MARK2: variants seen among roughly 807,000 people sequenced by gnomAD.
The protein encoded by MARK2 is microtubule affinity regulating kinase 2.
MARK2 carries 16 observed loss-of-function variants against 89.8 expected under a neutral mutation model. That is an observed-to-expected ratio of 0.18 (90% CI 0.12 to 0.27). The LOEUF is 0.27. Ranked by LOEUF, MARK2 falls within the 10% of genes least tolerant of loss-of-function variation. The pLI, the probability that MARK2 is intolerant of heterozygous loss-of-function variation, is 1.00. For missense variants in MARK2, 621 were observed against 1,049.9 expected (o/e 0.59, Z 5.65); for synonymous variants, 382 against 399.5 (o/e 0.96, Z 0.52).
Position 63,902,401 on chromosome 11 carries a change from TG to T in MARK2, c.1234+74del. On this transcript the variant is annotated intron_variant, in intron 12 of 18. Transcript: ENST00000402010. The surrounding 1 kb of genome is among the most constrained non-coding windows in gnomAD (Gnocchi z 4.2). ...AGAGGTTACAGGTTCTGTGGGGACTTGGGTAACACAACTAAGTTTCAGTCCT... is the reference window on the plus strand; with the variant it reads ...AGAGGTTACAGGTTCTGTGGGGACTTGGTAACACAACTAAGTTTCAGTCCT... 6.3e-7 allele frequency: 1 copy of T among 1,587,898 alleles called. No homozygotes were observed. Among genetic ancestry groups the T allele is most frequent in the Non-Finnish European group, 8.6e-7 (1 of 1,158,936 alleles).
chr11:63,858,178 C>T (rs970162200), intron 1 of MARK2, among the ~76,000 whole-genome samples: 6 of 152,156 alleles, frequency 3.9e-5, no homozygotes, highest in Non-Finnish European at 7.3e-5. Flanking sequence ...AGGTGCACAG[C>T]ACCACACTTG....
rs779182082 is a variant in MARK2, at chr11:63,900,821, T to G, written c.930T>G (p.Asp310Glu). 1 of 1,614,128 alleles carries G rather than the reference T, an allele frequency of 6.2e-7. No homozygotes were observed. Residue 310 changes from aspartate (D) to glutamate (E), a missense_variant, in exon 10 of 19, where the codon GAT (aspartate) becomes GAG (glutamate). By Grantham distance (45) the Asp-to-Glu change is conservative. Around this residue, in one of 5 missense-constraint regions of MARK2, gnomAD observed 397 missense variants for 567.8 expected, o/e 0.70. Coordinates refer to ENST00000402010, the MANE Select transcript of MARK2 (RefSeq NM_001039469.3). The surrounding 1 kb of genome is among the most constrained non-coding windows in gnomAD (Gnocchi z 4.7). Reference sequence around the variant, plus strand: ...GATGGATGAATGTGGGTCACGAAGATGATGAACTAAAGCCTTACGTGGAGC... The same window carrying G: ...GATGGATGAATGTGGGTCACGAAGAGGATGAACTAAAGCCTTACGTGGAGC... ...KDRWMNVGHE[D>E]DELKPYVEPL...
At chr11:63,878,916 AAG>A (rs1333604732) in intron 1 of MARK2, among the ~76,000 whole-genome samples, 1 of 152,232 alleles carries the variant, frequency 6.6e-6, no homozygotes, top group Non-Finnish European at 1.5e-5. Flanking sequence ...TCTATGGAAA[AAG>A]AGTTCCTTCT....
At chr11:63,868,831 A>T (rs1938283891) in intron 1 of MARK2, 1 of 455,854 alleles carries the variant, frequency 2.2e-6, no homozygotes, top group Non-Finnish European at 4.4e-6. Flanking sequence ...AGAAGGCTGG[A>T]GTTATTTATA....
chr11:63,884,764 A>G (rs1171047273), intron 1 of MARK2, among the ~76,000 whole-genome samples: 1 of 152,214 alleles, frequency 6.6e-6, no homozygotes, highest in Non-Finnish European at 1.5e-5. Context: ...CCTCTGGTTT[A>G]TTGACTCTTG....
In MARK2 at chr11:63,895,229, C is replaced by G; in HGVS notation, c.125C>G (p.Thr42Ser). 6.8e-6 allele frequency: 11 copies of G among 1,614,206 alleles called. No homozygotes were observed. Among genetic ancestry groups the G allele is most frequent in the Non-Finnish European group, 9.3e-6 (11 of 1,180,022 alleles). The change falls in exon 2 of 19, where the codon ACC (threonine) becomes AGC (serine). Residue 42 changes from threonine (T) to serine (S), a missense_variant. This residue lies in a region of MARK2 where 60 missense variants were observed against 73.2 expected (regional missense o/e 0.82). Transcript: ENST00000402010. ...SNMIRGRNSA[T>S]SADEQPHIGN... is the part of the protein sequence containing the mutation. ...ATGATTCGGGGCCGCAACTCAGCCA[C>G]CTCTGCTGATGAGCAGCCCCACATT...
chr11:63,862,374 T>C (rs1415139123), intron 1 of MARK2, among the ~76,000 whole-genome samples: 1 of 152,214 alleles, frequency 6.6e-6, no homozygotes, highest in Admixed American at 6.5e-5. Context: ...TTGTGAAGAA[T>C]CCTTTGTCCC....
intron 1 of MARK2, among the ~76,000 whole-genome samples, chr11:63,876,511 T>C (rs1938764625): frequency 6.6e-6 from 1 of 152,250 alleles, no homozygotes; most frequent in Non-Finnish European, 1.5e-5. Context: ...GTGGGGTTCT[T>C]TGTCCTTGGT....
At chr11:63,874,496 T>C (rs1459760254) in intron 1 of MARK2, among the ~76,000 whole-genome samples, 1 of 152,078 alleles carries the variant, frequency 6.6e-6, no homozygotes, top group African/African-American at 2.4e-5. Flanking sequence ...CCAAAGAACA[T>C]TGGAAAAATT....
In MARK2 at chr11:63,900,574, G is replaced by A; in HGVS notation, c.784G>A (p.Val262Ile). The change falls in exon 9 of 19, where the codon GTA becomes ATA. Residue 262 changes from valine (V) to isoleucine (I), a missense_variant. Around this residue, in one of 5 missense-constraint regions of MARK2, gnomAD observed 82 missense variants for 287.7 expected, o/e 0.29. Coordinates refer to ENST00000402010, the MANE Select transcript of MARK2 (RefSeq NM_001039469.3). This position sits in a 1 kb window ranked among gnomAD's most constrained non-coding sequence, Gnocchi z 4.7. ...GQNLKELRER[V>I]LRGKYRIPFY... ...CCTCCTGCAGGAGCTGCGGGAACGGGTACTGAGGGGAAAATACCGTATTCC... is the reference window on the plus strand; with the variant it reads ...CCTCCTGCAGGAGCTGCGGGAACGGATACTGAGGGGAAAATACCGTATTCC... 1.2e-6 allele frequency: 2 copies of A among 1,614,104 alleles called. No homozygotes were observed. Among genetic ancestry groups the A allele is most frequent in the Non-Finnish European group, 1.7e-6 (2 of 1,180,002 alleles).
chr11:63,890,315 A>C, intron 1 of MARK2: 1 of 1,324,008 alleles, frequency 7.6e-7, no homozygotes, highest in Non-Finnish European at 1.0e-6. Flanking sequence ...GGAAGGATTG[A>C]GCACTTGGAG....
Position 63,839,405 on chromosome 11 carries a change from G to C in MARK2, c.-102G>C, listed in dbSNP as rs924675651. 38 of 667,374 alleles carry C rather than the reference G, an allele frequency of 5.7e-5. No homozygotes were observed. Among genetic ancestry groups the C allele is most frequent in the African/African-American group, 9.6e-5 (5 of 51,930 alleles). 41.3% of individuals were successfully genotyped at this position (667,374 alleles called of 1,614,324 possible). On this transcript the variant is annotated 5_prime_UTR_variant, in exon 1 of 19. Transcript: ENST00000402010. ...CACCCCCGGCCGGGGCCCATGCGGC[G>C]GGTGCTCCTGCTGTGAGAAGCCCCG... is the stretch of plus-strand genomic sequence containing the variant.
Position 63,847,743 on chromosome 11 carries a change from C to A in MARK2, c.54+8183C>A, listed in dbSNP as rs560850313. ...CCTGAAGGCAGCTTTGCTTTATACA[C>A]CTTTCACTGAAAGCTCTAAGACATT... On this transcript the variant is annotated intron_variant, in intron 1 of 18. Transcript: ENST00000402010. Among the ~76,000 whole-genome samples, 10 of 152,326 alleles carry A rather than the reference C, an allele frequency of 6.6e-5. No individual in the cohort carries two copies. The East Asian group carries it at 1.7e-3, about 26-fold the overall frequency.
At chr11:63,885,451 A>T (rs1939335910) in intron 1 of MARK2, among the ~76,000 whole-genome samples, 1 of 151,434 alleles carries the variant, frequency 6.6e-6, no homozygotes, top group Non-Finnish European at 1.5e-5. Context: ...AGGTGGGAGG[A>T]TGGATTGAGC....
At position 63,859,773 on chromosome 11, in the gene MARK2, G is replaced by A. The variant is rs569195438; in HGVS notation, c.54+20213G>A. On this transcript the variant is annotated intron_variant, in intron 1 of 18. Transcript: ENST00000402010. Reference sequence around the variant, plus strand: ...CGGCCTCCCGAGTAGCTGGAACTACGGGTGCGTGCCACCATGCCCGGCTTA... The same window carrying A: ...CGGCCTCCCGAGTAGCTGGAACTACAGGTGCGTGCCACCATGCCCGGCTTA... Among the ~76,000 whole-genome samples the A allele has an allele frequency of 3.0e-4, 45 of 151,742 alleles. No homozygotes were observed. In the East Asian group the frequency reaches 4.1e-3, roughly 14 times the overall value.
chr11:63,889,528 C>T (rs1007985561), intron 1 of MARK2, among the ~76,000 whole-genome samples: 1 of 152,262 alleles, frequency 6.6e-6, no homozygotes, highest in African/African-American at 2.4e-5. Context: ...CGCCAGGCCT[C>T]TCGGGGTGGA....
chr11:63,852,735 A>G (rs1284778669), intron 1 of MARK2, among the ~76,000 whole-genome samples: 1 of 152,106 alleles, frequency 6.6e-6, no homozygotes, highest in Non-Finnish European at 1.5e-5. Context: ...AGTTTCATAA[A>G]TGTTCATAAT....
chr11:63,883,418 T>C (rs1939217596), intron 1 of MARK2, among the ~76,000 whole-genome samples: 1 of 152,140 alleles, frequency 6.6e-6, no homozygotes. Flanking sequence ...TACTGGTACT[T>C]ACAGTCAAAT....
chr11:63,893,912 T>C lies in MARK2; in HGVS notation c.55-1247T>C, dbSNP rs74386335. On this transcript the variant is annotated intron_variant, in intron 1 of 18. Transcript: ENST00000402010. ...AGACTTGGGTCCCATCCCTGAGATA[T>C]CTGATTATGTATATGCAAATATTCC... Among the ~76,000 whole-genome samples the C allele has an allele frequency of 9.9e-3, 1,512 of 152,350 alleles. 26 individuals are homozygous for C. The highest frequency in any genetic ancestry group is 0.034 in the African/African-American group (1,427 of 41,572).
Sources: allele counts gnomAD v4.1 joint callset (sites outside exome capture counted in the v4.1 genomes callset), GRCh38; gene constraint gnomAD v4.1.1; regional missense constraint gnomAD v4.1.1; non-coding constraint Gnocchi (gnomAD v3.1); transcripts MANE v1.5; gene names NCBI Gene and HGNC (gene_info 2026-07-23, HGNC 2026-07-21).